COL18A1: variants seen among roughly 807,000 people sequenced by gnomAD.
The protein encoded by COL18A1 is collagen alpha-1(XVIII) chain.
COL18A1 carries 133 observed loss-of-function variants against 168.0 expected under a neutral mutation model. The observed-to-expected ratio is 0.79, with a 90% CI of 0.69 to 0.91. COL18A1 has a LOEUF of 0.91. Among genes scored for constraint, COL18A1 ranks in the 40% least tolerant of loss-of-function variants. COL18A1 has a pLI of 0.00. For missense variants in COL18A1, 2,126 were observed against 1,925.4 expected (o/e 1.10, Z -1.95); for synonymous variants, 949 against 809.0 (o/e 1.17, Z -2.94).
chr21:45,408,073 CTTGT>C (rs1392872653), intron 2 of COL18A1: 2 of 152,276 alleles, frequency 1.3e-5, no homozygotes, highest in Non-Finnish European at 2.9e-5. Flanking sequence ...TTCAGCAAAA[CTTGT>C]TTTTCAGGGC....
At position 45,465,865 on chromosome 21, in the gene COL18A1, G is replaced by A. The variant is rs73909574; in HGVS notation, c.107-2377G>A. ...CTCTGAGGGGTTTGCCCTTTTCTTC[G>A]GAGCCACGGTGGCCGTGAGGGATGC... is the stretch of plus-strand genomic sequence containing the variant. On this transcript the variant is annotated intron_variant, in intron 2 of 41. Transcript: ENST00000651438. 4.0e-3 allele frequency among the ~76,000 whole-genome samples: 616 copies of A among 152,294 alleles called. 6 individuals are homozygous for A. Among genetic ancestry groups the A allele is most frequent in the African/African-American group, 0.014 (590 of 41,552 alleles).
intron 32 of COL18A1, among the ~76,000 whole-genome samples, chr21:45,503,641 TGGGGGGA>T (rs1214835612): frequency 1.8e-4 from 10 of 54,876 alleles, no homozygotes; most frequent in African/African-American, 2.9e-4. Flanking sequence ...TGTTGTGGGG[TGGGGGGA>T]GGGGGGAGGG....
At chr21:45,510,470 G>A (rs2838953) in intron 40 of COL18A1, among the ~76,000 whole-genome samples, 4 of 151,946 alleles carry the variant, frequency 2.6e-5, no homozygotes, top group Admixed American at 6.5e-5. Context: ...GCACTGCCAC[G>A]TCCCCCAGGG....
chr21:45,425,449 C>A lies in COL18A1; in HGVS notation c.106+19976C>A, dbSNP rs2033769137. Among the ~76,000 whole-genome samples the A allele has an allele frequency of 6.6e-6, 1 of 152,196 alleles. No individual in the cohort carries two copies. On this transcript the variant is annotated intron_variant, in intron 2 of 41. Transcript: ENST00000651438. The surrounding 1 kb of genome is among the most constrained non-coding windows in gnomAD (Gnocchi z 4.1). ...CCCAAGAGGTGTGCATGGAGGTGGA[C>A]CCCCTGCCTCACCCTCGGGTGGCCC...
rs1238255751 is a variant in COL18A1, at chr21:45,512,621, C to T, written c.*223C>T. ...TGATGCTGACATTCACCTGCCCCAA[C>T]TCTCCCCTGACCTGTGAGCCCAGCT... On this transcript the variant is annotated 3_prime_UTR_variant, in exon 42 of 42. Transcript: ENST00000651438. The T allele has an allele frequency of 8.4e-6, 5 of 597,882 alleles. No individual in the cohort carries two copies. The Admixed American group carries it at 1.4e-4, about 17-fold the overall frequency. The allele number at this position is 597,882 out of a possible 1,614,324, so 37.0% of individuals were successfully genotyped here.
chr21:45,405,340 G>GGGGTCGCGGGGCTCGGCC lies in COL18A1; in HGVS notation c.12-34_12-33insGCGGGGCTCGGCCGGGTC, dbSNP rs1555966569. 2.7e-4 allele frequency: 303 copies of GGGGTCGCGGGGCTCGGCC among 1,137,832 alleles called. No homozygotes were observed. In the East Asian group the frequency reaches 7.5e-3, roughly 28 times the overall value. The allele number at this position is 1,137,832 out of a possible 1,614,324, so 70.5% of individuals were successfully genotyped here. A position where few individuals can be genotyped will look rare whatever the true frequency, so the allele number is the denominator to read the frequency against. ...TCGGCCGGGTCCTGCGGGGGTCGCGGGGGTCCTGCGGGGTCTGACCCGTGC... is the reference window on the plus strand; with the variant it reads ...TCGGCCGGGTCCTGCGGGGGTCGCGGGGGTCGCGGGGCTCGGCCGGGTCCTGCGGGGTCTGACCCGTGC... On this transcript the variant is annotated intron_variant, in intron 1 of 41. Coordinates refer to ENST00000651438, the MANE Select transcript of COL18A1 (RefSeq NM_001379500.1).
chr21:45,469,475 G>A (rs1033659656), intron 3 of COL18A1, among the ~76,000 whole-genome samples: 3 of 152,230 alleles, frequency 2.0e-5, no homozygotes, highest in African/African-American at 4.8e-5. Context: ...TTTGGAGCAC[G>A]TGGTGGGAGT....
At chr21:45,507,136 A>G (rs1602629768) in intron 37 of COL18A1, 1 of 174,788 alleles carries the variant, frequency 5.7e-6, no homozygotes, top group Non-Finnish European at 1.0e-5. Flanking sequence ...CAGGGAGGGC[A>G]CCCTCCTGTG....
intron 2 of COL18A1, among the ~76,000 whole-genome samples, chr21:45,467,025 C>A (rs1480084464): frequency 6.6e-6 from 1 of 152,204 alleles, no homozygotes; most frequent in African/African-American, 2.4e-5. Flanking sequence ...GGACGGCGGC[C>A]TCTGTCTGAG....
chr21:45,494,942 G>A (rs780195424), intron 28 of COL18A1, 27 bp downstream of exon 28: 15 of 1,600,338 alleles, frequency 9.4e-6, no homozygotes, highest in Non-Finnish European at 1.3e-5. Flanking sequence ...TCCAGTGGGG[G>A]CGGCAGATGG....
intron 3 of COL18A1, among the ~76,000 whole-genome samples, chr21:45,470,001 G>A (rs910714229): frequency 7.2e-5 from 11 of 152,180 alleles, no homozygotes; most frequent in South Asian, 2.1e-4. Context: ...GTCCCCAGCC[G>A]TTTCTTGGTG....
At chr21:45,493,475 C>G (rs1198709804) in intron 25 of COL18A1, 26 bp from the exon 26 acceptor site, 1 of 1,546,314 alleles carries the variant, frequency 6.5e-7, no homozygotes, top group South Asian at 1.2e-5. Flanking sequence ...CTGGCCCTGA[C>G]TCTGCTGGAC....
Position 45,505,255 on chromosome 21 carries a change from C to T in COL18A1, c.2990C>T (p.Ser997Leu). Residue 997 changes from serine to leucine, a missense_variant, in exon 35 of 42, where the codon TCA (serine) becomes TTA (leucine). Physicochemically the swap from Ser to Leu is moderately radical, Grantham distance 145 (BLOSUM62 -2). Coordinates refer to ENST00000651438, the MANE Select transcript of COL18A1 (RefSeq NM_001379500.1). ...CCCCCAGGCCCCCCAGGGCCCCCTT[C>T]ATTTCCTGGCCCTCACAGGCAGAGT... Reference protein sequence around the residue: ...PGPPGPPGPPSFPGPHRQTIS... With the variant: ...PGPPGPPGPPLFPGPHRQTIS... 6.3e-7 allele frequency: 1 copy of T among 1,590,378 alleles called. No homozygotes were observed. Among genetic ancestry groups the T allele is most frequent in the Non-Finnish European group, 8.6e-7 (1 of 1,165,758 alleles).
intron 2 of COL18A1, among the ~76,000 whole-genome samples, chr21:45,452,883 CACATGTG>C (rs2034665829): frequency 6.6e-6 from 1 of 151,506 alleles, no homozygotes; most frequent in South Asian, 2.1e-4. Context: ...TGTGAGTATT[CACATGTG>C]ACATGTGAGC....
At chr21:45,455,656 T>G in intron 2 of COL18A1, 1 of 1,613,864 alleles carries the variant, frequency 6.2e-7, no homozygotes. Flanking sequence ...GCCATGCAGC[T>G]ACCACGATCC....
Position 45,468,547 on chromosome 21 carries a change from C to T in COL18A1, c.412C>T (p.Leu138Phe). Residue 138 changes from leucine to phenylalanine, a missense_variant, in exon 3 of 42, where the codon CTC (leucine) becomes TTC (phenylalanine). Transcript: ENST00000651438. ...GGACGGGCACCAGGACATCTCCCTG[C>T]TCTACACAGAACCAGGTGCAGGCCA... ...VQDGHQDISL[L>F]YTEPGAGQTH... 1 of 1,613,382 alleles carries T rather than the reference C, an allele frequency of 6.2e-7. No individual in the cohort carries two copies. Among genetic ancestry groups the T allele is most frequent in the Non-Finnish European group, 8.5e-7 (1 of 1,179,914 alleles).
chr21:45,448,519 G>A (rs4819110), intron 2 of COL18A1, among the ~76,000 whole-genome samples: 23,134 of 152,218 alleles, frequency 0.15, 2,284 homozygotes, highest in African/African-American at 0.27. Flanking sequence ...CCACACATCC[G>A]TGTACACGCG....
intron 15 of COL18A1, among the ~76,000 whole-genome samples, chr21:45,484,597 T>C (rs914252110): frequency 6.6e-6 from 1 of 151,464 alleles, no homozygotes; most frequent in African/African-American, 2.4e-5. Context: ...CATGCACACA[T>C]GTATCTGGTG....
At chr21:45,505,106 A>G (rs2037112758) in intron 34 of COL18A1, 28 bp from the exon 35 acceptor site, 1 of 1,603,332 alleles carries the variant, frequency 6.2e-7, no homozygotes, top group Non-Finnish European at 8.5e-7. Flanking sequence ...CGAGGTAACC[A>G]GGAAGCGTCT....
Sources: allele counts gnomAD v4.1 joint callset (sites outside exome capture counted in the v4.1 genomes callset), GRCh38; gene constraint gnomAD v4.1.1; non-coding constraint Gnocchi (gnomAD v3.1); transcripts MANE v1.5; gene names NCBI Gene and HGNC (gene_info 2026-07-23, HGNC 2026-07-21).